Variants in CFAP69 observed in about 807,000 individuals in gnomAD.
CFAP69 encodes the protein cilia- and flagella-associated protein 69.
CFAP69 carries 92 observed loss-of-function variants against 123.0 expected under a neutral mutation model. The observed-to-expected ratio is 0.75, with a 90% CI of 0.63 to 0.89. CFAP69 has a LOEUF of 0.89. CFAP69 is among the 40% of genes least tolerant of loss of function. The probability of loss-of-function intolerance (pLI) is 0.00; values close to 1 mark genes in which losing one functional copy is unlikely to be tolerated. For missense variants in CFAP69, 1,067 were observed against 1,096.9 expected, an observed-to-expected ratio of 0.97 and a Z score of 0.39; for synonymous variants, 380 against 364.3, an observed-to-expected ratio of 1.04 and a Z score of -0.49.
intron 5 of CFAP69, 98 bp downstream of exon 5, chr7:90,265,475 C>T: frequency 1.4e-6 from 1 of 734,436 alleles, no homozygotes; most frequent in East Asian, 2.7e-5. Context: ...AAGAGGACTC[C>T]TTCTCCATGT....
At chr7:90,285,989 GAAAATATCCTCTTCT>G (rs1790217020) in intron 13 of CFAP69, among the ~76,000 whole-genome samples, 1 of 152,218 alleles carries the variant, frequency 6.6e-6, no homozygotes, top group South Asian at 2.1e-4. Flanking sequence ...ACTATGCAAT[GAAAATATCCTCTTCT>G]AAAATAGTTT....
In CFAP69 at chr7:90,295,477, G is replaced by A. The variant is rs141149303; in HGVS notation, c.1776-2272G>A. 9.0e-3 allele frequency among the ~76,000 whole-genome samples: 1,365 copies of A among 152,276 alleles called. 21 individuals carry two copies. The highest frequency in any genetic ancestry group is 0.029 in the African/African-American group (1,218 of 41,558). ...CGTCTCTTTCCTTTGGTTTGGGGCTGAGGGCTTTCTTCAGTATCGTCCCTT... is the reference window on the plus strand; with the variant it reads ...CGTCTCTTTCCTTTGGTTTGGGGCTAAGGGCTTTCTTCAGTATCGTCCCTT... On this transcript the variant is annotated intron_variant, in intron 15 of 22. Coordinates refer to ENST00000389297, the MANE Select transcript of CFAP69 (RefSeq NM_001039706.3).
At chr7:90,314,327 T>C (rs1415613125), downstream of CFAP69, among the ~76,000 whole-genome samples, 1 of 152,114 alleles carries the variant, frequency 6.6e-6, no homozygotes, top group Non-Finnish European at 1.5e-5. Context: ...ATATTAACAA[T>C]AAGAATAAAC....
intron 1 of CFAP69, among the ~76,000 whole-genome samples, chr7:90,249,631 T>C (rs1009658246): frequency 6.6e-6 from 1 of 152,172 alleles, no homozygotes; most frequent in Non-Finnish European, 1.5e-5. Flanking sequence ...AGATATCTAA[T>C]TTATCTATTT....
rs1217285139 is a variant in CFAP69 at position 90,265,437 on chromosome 7, G to A, written c.433+60G>A. On this transcript the variant is annotated intron_variant, in intron 5 of 22. Coordinates refer to ENST00000389297, the MANE Select transcript of CFAP69 (RefSeq NM_001039706.3). ...ACATACGACAGGTCCTACTGACAAG[G>A]GAATATCTATTTTCCCCAAGTTTCA... 5.3e-6 allele frequency: 6 copies of A among 1,129,350 alleles called. No individual in the cohort carries two copies. The African/African-American group carries it at 9.4e-5, about 18-fold the overall frequency. 70.0% of individuals were successfully genotyped at this position (1,129,350 alleles called of 1,614,324 possible).
Position 90,307,032 on chromosome 7 carries a change from G to T in CFAP69, c.2397G>T (p.Leu799=), listed in dbSNP as rs1236701723. The change falls in exon 20 of 23, where the codon CTG becomes CTT. Residue 799 remains leucine, a synonymous_variant. Transcript: ENST00000389297. ...ATATTGGAAAGATGGTTGCTTCTCT[G>T]CAAAGTGATATAATTGAAAGCCAAG... ...SENIGKMVAS[L]QSDIIESQAC... is the part of the protein sequence containing the mutation. The T allele has an allele frequency of 6.2e-7, 1 of 1,613,330 alleles. No individual in the cohort carries two copies. The highest frequency in any genetic ancestry group is 1.1e-5 in the South Asian group (1 of 90,926).
chr7:90,301,540 C>T (rs1265848148), intron 17 of CFAP69: 1 of 152,084 alleles, frequency 6.6e-6, no homozygotes, highest in African/African-American at 2.4e-5. Context: ...TCCATGAATT[C>T]TCATCATTTA....
chr7:90,292,411 T>C (rs540017122), intron 15 of CFAP69, among the ~76,000 whole-genome samples: 16 of 152,202 alleles, frequency 1.1e-4, no homozygotes, highest in Non-Finnish European at 1.8e-4. Flanking sequence ...CAAAGGACTT[T>C]TATTGGCTTT....
chr7:90,288,940 A>C (rs1790697227), intron 15 of CFAP69, among the ~76,000 whole-genome samples: 1 of 151,502 alleles, frequency 6.6e-6, no homozygotes, highest in African/African-American at 2.4e-5. Flanking sequence ...CTCTTTTGTA[A>C]TAACATTTAG....
In CFAP69 at chr7:90,297,785, T is replaced by C. The variant is rs201583396; in HGVS notation, c.1812T>C (p.Tyr604=). 1 of 1,574,706 alleles carries C rather than the reference T, an allele frequency of 6.4e-7. No individual in the cohort carries two copies. The highest frequency in any genetic ancestry group is 8.6e-7 in the Non-Finnish European group (1 of 1,168,308). Residue 604 remains tyrosine (Y), a synonymous_variant, in exon 16 of 23, where the codon TAT becomes TAC. Transcript: ENST00000389297. ...TGGGATGTTATCCCTCAGAGGATTA[T>C]TTTCTTGAAAAGGAAGGCATTTTTC... ...CILGCYPSED[Y]FLEKEGIFLL...
chr7:90,262,829 T>G (rs1476669310), intron 4 of CFAP69, among the ~76,000 whole-genome samples: 1 of 151,978 alleles, frequency 6.6e-6, no homozygotes, highest in Non-Finnish European at 1.5e-5. Context: ...TATGCATACA[T>G]GATAGGTTCT....
intron 15 of CFAP69, among the ~76,000 whole-genome samples, chr7:90,297,148 A>G (rs1251268523): frequency 1.3e-5 from 2 of 152,210 alleles, no homozygotes; most frequent in East Asian, 3.8e-4. Context: ...GTGATGCTAT[A>G]CCAGAGTCAA....
chr7:90,284,975 G>C (rs1293653294), intron 13 of CFAP69, among the ~76,000 whole-genome samples: 1 of 152,232 alleles, frequency 6.6e-6, no homozygotes, highest in East Asian at 1.9e-4. Flanking sequence ...AAGAAACTGG[G>C]AGAAATAGAA....
chr7:90,299,794 C>G (rs1792503381), intron 16 of CFAP69, 73 bp from the exon 17 acceptor site: 1 of 1,181,014 alleles, frequency 8.5e-7, no homozygotes, highest in Non-Finnish European at 1.1e-6. Context: ...AAGTGTTTCT[C>G]TCTTTTTTTT....
chr7:90,290,561 C>T (rs1240845268), intron 15 of CFAP69, among the ~76,000 whole-genome samples: 1 of 152,134 alleles, frequency 6.6e-6, no homozygotes, highest in Non-Finnish European at 1.5e-5. Flanking sequence ...CACAGACACA[C>T]CCAGAATAAT....
At chr7:90,321,504 G>C in the CFAP69 span, among the ~76,000 whole-genome samples, 1 of 152,186 alleles carries the variant, frequency 6.6e-6, no homozygotes. Flanking sequence ...TATGCCAAAG[G>C]CTCAGGGTCT....
intron 15 of CFAP69, among the ~76,000 whole-genome samples, chr7:90,293,174 T>G (rs1297064640): frequency 6.6e-6 from 1 of 152,192 alleles, no homozygotes; most frequent in Non-Finnish European, 1.5e-5. Context: ...AGCTAAATAC[T>G]GTTTCACATT....
chr7:90,280,010 A>G (rs1789229306), intron 12 of CFAP69, 117 bp downstream of exon 12: 8 of 723,390 alleles, frequency 1.1e-5, no homozygotes, highest in Non-Finnish European at 1.7e-5. Flanking sequence ...GTAAAAACAC[A>G]CAGACCTATC....
intron 15 of CFAP69, among the ~76,000 whole-genome samples, chr7:90,291,706 A>T (rs2117214795): frequency 6.6e-6 from 1 of 152,110 alleles, no homozygotes; most frequent in East Asian, 1.9e-4. Flanking sequence ...ATTCCTGCCT[A>T]TCTATTAGGG....
Sources: allele counts gnomAD v4.1 joint callset (sites outside exome capture counted in the v4.1 genomes callset), GRCh38; gene constraint gnomAD v4.1.1; transcripts MANE v1.5; gene names NCBI Gene and HGNC (gene_info 2026-07-23, HGNC 2026-07-21).